The following SOCS2 variants were observed in gnomAD, a reference collection of about 807,000 sequenced individuals.
The protein encoded by SOCS2 is suppressor of cytokine signaling 2, also known as CIS-2.
In SOCS2, 10 loss-of-function variants were observed where a neutral mutation model predicts 18.6. The observed-to-expected ratio is 0.54, with a 90% confidence interval of 0.33 to 0.91. SOCS2 has a LOEUF of 0.91. Among genes scored for constraint, SOCS2 ranks in the 40% least tolerant of loss-of-function variants. The pLI, the probability that SOCS2 is intolerant of heterozygous loss-of-function variation, is 0.02. For missense variants in SOCS2, 231 were observed against 247.2 expected, an observed-to-expected ratio of 0.93 and a Z score of 0.44; for synonymous variants, 104 against 104.0, an observed-to-expected ratio of 1.00 and a Z score of 0.00.
the SOCS2 span, among the ~76,000 whole-genome samples, chr12:93,605,696 G>A: frequency 6.6e-6 from 1 of 152,212 alleles, no homozygotes; most frequent in Non-Finnish European, 1.5e-5. Flanking sequence ...TATCACTTGA[G>A]TCAGGTAATG....
At chr12:93,600,314 G>A in the SOCS2 span, among the ~76,000 whole-genome samples, 1 of 151,874 alleles carries the variant, frequency 6.6e-6, no homozygotes, top group Non-Finnish European at 1.5e-5. Context: ...GTCTGTTTAT[G>A]AGCTCACTAT....
chr12:93,621,875 A>G, the SOCS2 span, among the ~76,000 whole-genome samples: 72 of 152,326 alleles, frequency 4.7e-4, no homozygotes, highest in African/African-American at 1.6e-3. Context: ...TGAGACTTAA[A>G]TCAGTTAACA....
At chr12:93,609,203 C>A in the SOCS2 span, among the ~76,000 whole-genome samples, 1 of 152,084 alleles carries the variant, frequency 6.6e-6, no homozygotes. Flanking sequence ...ACCTGCCTGA[C>A]CAACATGGCA....
At chr12:93,609,718 G>A in the SOCS2 span, among the ~76,000 whole-genome samples, 1 of 152,196 alleles carries the variant, frequency 6.6e-6, no homozygotes, top group Non-Finnish European at 1.5e-5. Context: ...ATTTATGACT[G>A]TTCCCTAGGG....
chr12:93,590,783 C>CAAAAAAAAAAAA, the SOCS2 span, among the ~76,000 whole-genome samples: 16 of 38,950 alleles, frequency 4.1e-4, 3 homozygotes, highest in African/African-American at 1.1e-3. Context: ...GACTCCGCCT[C>CAAAAAAAAAAAA]AAAAAAAAAA....
chr12:93,571,698 G>A (rs1954258481), upstream of SOCS2: 2 of 286,932 alleles, frequency 7.0e-6, no homozygotes, highest in Non-Finnish European at 7.0e-6. Context: ...TGTGCCCTCT[G>A]CGCACGGAAC....
downstream of SOCS2, among the ~76,000 whole-genome samples, chr12:93,577,647 C>A (rs1172193131): frequency 6.6e-6 from 1 of 150,970 alleles, no homozygotes; most frequent in Admixed American, 6.6e-5. Context: ...TACTGCTGTT[C>A]AACCAGATCA....
the SOCS2 span, among the ~76,000 whole-genome samples, chr12:93,589,652 G>C: frequency 6.6e-6 from 1 of 152,166 alleles, no homozygotes; most frequent in African/African-American, 2.4e-5. Context: ...TTGCAGTGTA[G>C]CTTAGTACTT....
chr12:93,574,627 TA>T (rs1282691374), intron 1 of SOCS2, 94 bp from the exon 2 acceptor site: 17 of 834,768 alleles, frequency 2.0e-5, no homozygotes, highest in Admixed American at 3.6e-5. Context: ...TTTTTAGAGC[TA>T]AAAAAATTAT....
At chr12:93,604,029 C>A in the SOCS2 span, among the ~76,000 whole-genome samples, 3 of 152,008 alleles carry the variant, frequency 2.0e-5, no homozygotes, top group Non-Finnish European at 4.4e-5. Flanking sequence ...CACAGAACAC[C>A]CACATGGAGG....
chr12:93,625,873 G>A, the SOCS2 span, among the ~76,000 whole-genome samples: 1 of 151,904 alleles, frequency 6.6e-6, no homozygotes, highest in Non-Finnish European at 1.5e-5. Flanking sequence ...GTTGCTCTGC[G>A]TCAGAACCCT....
chr12:93,572,833 A>T lies in SOCS2; in HGVS notation c.-65A>T. Reference sequence around the variant, plus strand: ...GGATTCGCACTGACTTCAAGGAAGGACGCGAACCCTTCTCTGACCCCAGCT... The same window carrying T: ...GGATTCGCACTGACTTCAAGGAAGGTCGCGAACCCTTCTCTGACCCCAGCT... On this transcript the variant is annotated 5_prime_UTR_variant, in exon 1 of 2. Transcript: ENST00000551556. The surrounding 1 kb of genome is among the most constrained non-coding windows in gnomAD (Gnocchi z 5.0). 2 of 1,550,254 alleles carry T rather than the reference A, an allele frequency of 1.3e-6. No individual in the cohort carries two copies. Among genetic ancestry groups the T allele is most frequent in the South Asian group, 2.4e-5 (2 of 84,102 alleles).
At chr12:93,574,015 T>G (rs1954368289) in intron 1 of SOCS2, 1 of 152,188 alleles carries the variant, frequency 6.6e-6, no homozygotes, top group Non-Finnish European at 1.5e-5. Context: ...AGGGCAAAGT[T>G]CAAAAGAGTT....
the SOCS2 span, among the ~76,000 whole-genome samples, chr12:93,614,572 TTTCTTTCTTTC>T: frequency 2.6e-5 from 2 of 76,678 alleles, no homozygotes; most frequent in Non-Finnish European, 4.8e-5. Context: ...TCTTTCTTTC[TTTCTTTCTTTC>T]TTTCTTTCTT....
At chr12:93,606,183 TGTGA>T in the SOCS2 span, among the ~76,000 whole-genome samples, 1,522 of 152,256 alleles carry the variant, frequency 1.0e-2, 24 homozygotes, top group African/African-American at 0.035. Context: ...AATTTAATCA[TGTGA>T]GTGCATCTGG....
chr12:93,604,463 G>T, the SOCS2 span, among the ~76,000 whole-genome samples: 2 of 152,034 alleles, frequency 1.3e-5, no homozygotes, highest in Admixed American at 1.3e-4. Context: ...CAATAAAAAT[G>T]TAGTTTTGTC....
At chr12:93,596,541 G>T in the SOCS2 span, among the ~76,000 whole-genome samples, 1 of 152,134 alleles carries the variant, frequency 6.6e-6, no homozygotes, top group East Asian at 1.9e-4. Flanking sequence ...AAAGGAAACT[G>T]CAGGGGCTGG....
At chr12:93,614,480 TTTCCTTCCTTCCTTCC>T in the SOCS2 span, among the ~76,000 whole-genome samples, 21 of 26,140 alleles carry the variant, frequency 8.0e-4, no homozygotes, top group Admixed American at 3.5e-3. Flanking sequence ...CCTTCCTTCC[TTTCCTTCCTTCCTTCC>T]TTCCTTCCTT....
chr12:93,613,436 A>T, the SOCS2 span, among the ~76,000 whole-genome samples: 1 of 152,152 alleles, frequency 6.6e-6, no homozygotes, highest in South Asian at 2.1e-4. Context: ...AAAAACAAAC[A>T]AACAAGCAAA....
Sources: allele counts gnomAD v4.1 joint callset (sites outside exome capture counted in the v4.1 genomes callset), GRCh38; gene constraint gnomAD v4.1.1; non-coding constraint Gnocchi (gnomAD v3.1); transcripts MANE v1.5; gene names NCBI Gene and HGNC (gene_info 2026-07-23, HGNC 2026-07-21).